CDH18: variants seen among roughly 807,000 people sequenced by gnomAD.
CDH18 encodes the protein cadherin 18.
A neutral mutation model predicts 67.9 loss-of-function variants in CDH18; 31 were observed. That is an observed-to-expected ratio of 0.46 (90% CI 0.34 to 0.62). The LOEUF is 0.62. Ranked by LOEUF, CDH18 falls within the 20% of genes least tolerant of loss-of-function variation. CDH18 has a pLI of 0.01. For missense variants in CDH18, 890 were observed against 975.5 expected, an observed-to-expected ratio of 0.91 and a Z score of 1.17; for synonymous variants, 362 against 347.2, an observed-to-expected ratio of 1.04 and a Z score of -0.48.
At chr5:20,240,138 T>A (rs935307492) in intron 2 of CDH18, among the ~76,000 whole-genome samples, 2 of 151,956 alleles carry the variant, frequency 1.3e-5, no homozygotes, top group Admixed American at 1.3e-4. Context: ...GTTGTGCACA[T>A]GTACCCTAGA....
At chr5:19,731,380 G>A (rs1242299885) in intron 4 of CDH18, among the ~76,000 whole-genome samples, 1 of 152,164 alleles carries the variant, frequency 6.6e-6, no homozygotes, top group Admixed American at 6.5e-5. Flanking sequence ...GAACCTGGGA[G>A]GCAGAGCTTG....
chr5:20,199,144 C>A (rs184133321), intron 2 of CDH18, among the ~76,000 whole-genome samples: 1 of 152,146 alleles, frequency 6.6e-6, no homozygotes, highest in Admixed American at 6.5e-5. Flanking sequence ...GTGAAGGGGG[C>A]TATTGTCCTC....
intron 2 of CDH18, among the ~76,000 whole-genome samples, chr5:20,201,284 C>G (rs763789854): frequency 2.6e-5 from 4 of 152,002 alleles, no homozygotes; most frequent in Non-Finnish European, 5.9e-5. Flanking sequence ...GGACATGAAT[C>G]ACATTGGATC....
At chr5:19,744,765 C>T (rs1188329212) in intron 4 of CDH18, among the ~76,000 whole-genome samples, 1 of 152,160 alleles carries the variant, frequency 6.6e-6, no homozygotes, top group Non-Finnish European at 1.5e-5. Flanking sequence ...ACTCAACTTT[C>T]TAACAGATTC....
chr5:19,716,835 A>G (rs1053830698), intron 5 of CDH18, among the ~76,000 whole-genome samples: 1 of 152,124 alleles, frequency 6.6e-6, no homozygotes, highest in African/African-American at 2.4e-5. Context: ...GTATCAATGT[A>G]AATGTTTTCA....
rs1168043328 is a variant in CDH18, at chr5:19,520,680, A to G, written c.1489T>C (p.Cys497Arg). The change falls in exon 10 of 13, where the codon TGT (cysteine) becomes CGT (arginine). Residue 497 changes from cysteine (C) to arginine (R), a missense_variant. Cys to Arg is a radical substitution (Grantham distance 180, BLOSUM62 -3). Around this residue, in one of 2 missense-constraint regions of CDH18, gnomAD observed 656 missense variants for 668.1 expected, o/e 0.98. Transcript: ENST00000382275. ...ACCTGGCCAGGCTTAGAATTTTCACATACAATAATATCATATTCCCTGGCA... is the reference window on the plus strand; with the variant it reads ...ACCTGGCCAGGCTTAGAATTTTCACGTACAATAATATCATATTCCCTGGCA... Reference protein sequence around the residue: ...ELAREYDIIVCENSKPGQVIH... With the variant: ...ELAREYDIIVRENSKPGQVIH... 1 of 1,612,408 alleles carries G rather than the reference A, an allele frequency of 6.2e-7. No homozygotes were observed. Among genetic ancestry groups the G allele is most frequent in the Non-Finnish European group, 8.5e-7 (1 of 1,179,302 alleles).
At chr5:19,632,543 T>C (rs1451098534) in intron 5 of CDH18, among the ~76,000 whole-genome samples, 1 of 152,210 alleles carries the variant, frequency 6.6e-6, no homozygotes, top group Non-Finnish European at 1.5e-5. Context: ...CACAGGGCTA[T>C]CTCTTTTTTT....
intron 5 of CDH18, among the ~76,000 whole-genome samples, chr5:19,719,287 T>C (rs919080663): frequency 6.6e-6 from 1 of 152,008 alleles, no homozygotes; most frequent in Non-Finnish European, 1.5e-5. Context: ...TAATGTCATA[T>C]ATTTGTGTGC....
chr5:19,742,983 A>G (rs1769430866), intron 4 of CDH18, among the ~76,000 whole-genome samples: 1 of 152,240 alleles, frequency 6.6e-6, no homozygotes, highest in African/African-American at 2.4e-5. Context: ...ATTTAGAACC[A>G]CTTATTCCTT....
Position 19,747,167 on chromosome 5 carries a change from T to G in CDH18, c.298A>C (p.Ile100Leu). ...YILTGEGAGT[I>L]FIIDDTTGDI... is the part of the protein sequence containing the mutation. Reference sequence around the variant, plus strand: ...CCCGTGGTATCGTCAATGATAAATATAGTCCCAGCACCCTCTCCAGTAAGG... The same window carrying G: ...CCCGTGGTATCGTCAATGATAAATAGAGTCCCAGCACCCTCTCCAGTAAGG... Residue 100 changes from isoleucine (I) to leucine (L), a missense_variant, in exon 4 of 13, where the codon ATA (isoleucine) becomes CTA (leucine). Physicochemically the swap from Ile to Leu is conservative, Grantham distance 5. Transcript: ENST00000382275. The G allele has an allele frequency of 1.2e-6, 2 of 1,613,994 alleles. No homozygotes were observed. The highest frequency in any genetic ancestry group is 1.7e-6 in the Non-Finnish European group (2 of 1,179,842).
At chr5:20,488,372 G>A (rs1358911551) in intron 1 of CDH18, among the ~76,000 whole-genome samples, 1 of 151,994 alleles carries the variant, frequency 6.6e-6, no homozygotes. Context: ...CTTCTGACAA[G>A]GTGAGTCAGT....
At chr5:19,544,363 C>A (rs1735943482) in intron 8 of CDH18, among the ~76,000 whole-genome samples, 1 of 151,900 alleles carries the variant, frequency 6.6e-6, no homozygotes, top group African/African-American at 2.4e-5. Flanking sequence ...AATAAGACTT[C>A]TTGTTGTTAT....
At chr5:19,982,021 T>C (rs1279139579) in intron 1 of CDH18, among the ~76,000 whole-genome samples, 5 of 152,168 alleles carry the variant, frequency 3.3e-5, no homozygotes, top group Admixed American at 3.3e-4. Flanking sequence ...AATGAATGAA[T>C]ACAAAATTTT....
At chr5:20,017,960 G>T (rs961119741) in intron 2 of CDH18, among the ~76,000 whole-genome samples, 1 of 152,070 alleles carries the variant, frequency 6.6e-6, no homozygotes, top group Non-Finnish European at 1.5e-5. Flanking sequence ...ATTGACATAA[G>T]GATTCATTTA....
At chr5:20,179,928 C>G (rs769766542) in intron 2 of CDH18, among the ~76,000 whole-genome samples, 1 of 152,034 alleles carries the variant, frequency 6.6e-6, no homozygotes, top group Non-Finnish European at 1.5e-5. Context: ...AGGGAAAAGT[C>G]ACTAGAAGCA....
chr5:19,897,758 C>T (rs896891027), intron 2 of CDH18, among the ~76,000 whole-genome samples: 2 of 151,858 alleles, frequency 1.3e-5, no homozygotes, highest in Non-Finnish European at 2.9e-5. Flanking sequence ...CAACTATATG[C>T]ACCATTATGA....
intron 1 of CDH18, among the ~76,000 whole-genome samples, chr5:20,278,101 T>C (rs1378039657): frequency 6.6e-6 from 1 of 152,130 alleles, no homozygotes; most frequent in Non-Finnish European, 1.5e-5. Flanking sequence ...AGAAAGTTTA[T>C]TCAAAGGTCT....
chr5:19,685,657 A>G (rs1040916961), intron 5 of CDH18, among the ~76,000 whole-genome samples: 4 of 152,118 alleles, frequency 2.6e-5, no homozygotes, highest in Non-Finnish European at 4.4e-5. Flanking sequence ...GGTTGGATCC[A>G]GTTTTCAATT....
intron 2 of CDH18, among the ~76,000 whole-genome samples, chr5:19,857,113 C>A (rs1322768131): frequency 1.3e-5 from 2 of 152,026 alleles, no homozygotes; most frequent in Non-Finnish European, 2.9e-5. Context: ...TGCAATCCAG[C>A]CACTTGGGAC....
Sources: gnomAD v4.1 joint callset for allele counts (sites outside exome capture counted in the v4.1 genomes callset) on GRCh38, gnomAD v4.1.1 for gene constraint, gnomAD v4.1.1 regional missense constraint, MANE v1.5 for transcripts, NCBI Gene and HGNC (gene_info 2026-07-23, HGNC 2026-07-21) for gene names.